The following DCUN1D4 variants were observed in gnomAD, a reference collection of about 807,000 sequenced individuals.
DCUN1D4 encodes defective in cullin neddylation 1 domain containing 4, also known as DCN1-like protein 4.
Under a neutral mutation model 47.9 loss-of-function variants are expected in DCUN1D4, and 22 were observed. The ratio of observed to expected loss-of-function variants is 0.46; its 90% CI spans 0.33 to 0.66. The LOEUF (loss-of-function observed/expected upper bound fraction) is 0.66. Among genes scored for constraint, DCUN1D4 ranks in the 30% least tolerant of loss-of-function variants. The pLI is 0.02. For missense variants in DCUN1D4, 301 were observed against 340.8 expected (o/e 0.88, Z 0.92); for synonymous variants, 121 against 112.2 (o/e 1.08, Z -0.50).
the DCUN1D4 span, among the ~76,000 whole-genome samples, chr4:51,834,042 T>TTCTC: frequency 0.011 from 581 of 51,878 alleles, 11 homozygotes; most frequent in Middle Eastern, 0.035. Context: ...TTAGGAGTCT[T>TTCTC]TCTCTCTCTC....
Position 51,893,615 on chromosome 4 carries a change from C to T in DCUN1D4, c.506+1764C>T, listed in dbSNP as rs141686181. On this transcript the variant is annotated intron_variant, in intron 7 of 10. Transcript: ENST00000334635. ...CTGATTTTTGTATTTTTAGTAGAGA[C>T]GGGGTTTCGCCATGTTGGCTAGGCT... 2.8e-3 allele frequency among the ~76,000 whole-genome samples: 427 copies of T among 152,152 alleles called. 2 individuals are homozygous for T. The highest frequency in any genetic ancestry group is 1.0e-2 in the African/African-American group (414 of 41,526).
intron 3 of DCUN1D4, chr4:51,865,455 G>A (rs1725754803): frequency 6.5e-6 from 1 of 154,350 alleles, no homozygotes; most frequent in Non-Finnish European, 1.4e-5. Flanking sequence ...AGCTGGGCAA[G>A]GCAGAGCTGC....
intron 1 of DCUN1D4, among the ~76,000 whole-genome samples, chr4:51,862,311 CAACAAGCTTTAGAAGAGA>C (rs1408718930): frequency 6.6e-6 from 1 of 152,236 alleles, no homozygotes; most frequent in East Asian, 1.9e-4. Flanking sequence ...ACTGGATGCC[CAACAAGCTTTAGAAGAGA>C]AAGTAAAGCT....
At chr4:51,836,303 C>G in the DCUN1D4 span, among the ~76,000 whole-genome samples, 1 of 152,080 alleles carries the variant, frequency 6.6e-6, no homozygotes, top group Admixed American at 6.5e-5. Context: ...TGTTAAGGAC[C>G]ATTTGCTTTA....
At chr4:51,872,644 C>T (rs929475148) in intron 3 of DCUN1D4, among the ~76,000 whole-genome samples, 17 of 152,206 alleles carry the variant, frequency 1.1e-4, no homozygotes, top group Non-Finnish European at 2.2e-4. Context: ...TGTCCTTAGT[C>T]CTCTGTTTCT....
At chr4:51,897,842 A>G (rs1389687375) in intron 7 of DCUN1D4, among the ~76,000 whole-genome samples, 1 of 152,374 alleles carries the variant, frequency 6.6e-6, no homozygotes, top group Admixed American at 6.5e-5. Flanking sequence ...AAAAAGAGTA[A>G]TGACAGTAAC....
chr4:51,898,137 T>A (rs1323902913), intron 7 of DCUN1D4, among the ~76,000 whole-genome samples: 1 of 152,156 alleles, frequency 6.6e-6, no homozygotes, highest in Admixed American at 6.5e-5. Flanking sequence ...AATAGGAGAT[T>A]AAAGGATTTA....
intron 3 of DCUN1D4, among the ~76,000 whole-genome samples, chr4:51,872,126 C>T (rs980958618): frequency 2.0e-4 from 31 of 152,202 alleles, no homozygotes; most frequent in African/African-American, 7.2e-4. Flanking sequence ...AGCCTGGGCA[C>T]TGTCCAAGAC....
chr4:51,848,947 A>AT (rs200847082), intron 1 of DCUN1D4, among the ~76,000 whole-genome samples: 7 of 151,106 alleles, frequency 4.6e-5, no homozygotes, highest in East Asian at 1.9e-4. Flanking sequence ...GCCTTCGAGG[A>AT]TTTTTTTTTC....
intron 5 of DCUN1D4, among the ~76,000 whole-genome samples, chr4:51,882,025 G>A (rs550421937): frequency 4.6e-5 from 7 of 152,132 alleles, no homozygotes; most frequent in Admixed American, 6.5e-5. Context: ...TAGATGGCAG[G>A]GTTATTGGTA....
chr4:51,913,241 T>C, intron 9 of DCUN1D4, 49 bp from the exon 10 acceptor site: 1 of 1,179,040 alleles, frequency 8.5e-7, no homozygotes, highest in Non-Finnish European at 1.2e-6. Context: ...AACCGTCCCA[T>C]TTGTTCATTT....
intron 8 of DCUN1D4, among the ~76,000 whole-genome samples, chr4:51,907,897 A>C (rs1038321830): frequency 6.6e-6 from 1 of 152,228 alleles, no homozygotes. Context: ...TCATCTAAGA[A>C]AAAAATGCTC....
Position 51,886,635 on chromosome 4 carries a change from A to G in DCUN1D4, c.411A>G (p.Glu137=). 1 of 1,613,926 alleles carries G rather than the reference A, an allele frequency of 6.2e-7. No individual in the cohort carries two copies. Among genetic ancestry groups the G allele is most frequent in the East Asian group, 2.2e-5 (1 of 44,828 alleles). Residue 137 remains glutamate, a synonymous_variant, in exon 6 of 11, where the codon GAA becomes GAG. Coordinates refer to ENST00000334635, the MANE Select transcript of DCUN1D4 (RefSeq NM_001040402.3). The part of the protein sequence containing the change: ...KFCEDIGVEP[E]NVVMLVLAWK... ...GTGAAGACATTGGTGTTGAACCAGA[A>G]AACGTGAGTCAAACTTACTGAGTTG...
chr4:51,911,145 C>CT lies in DCUN1D4; in HGVS notation c.696dup (p.Pro233SerfsTer16). The CT allele has an allele frequency of 6.2e-7, 1 of 1,612,040 alleles. No homozygotes were observed. The highest frequency in any genetic ancestry group is 8.5e-7 in the Non-Finnish European group (1 of 1,179,348). On this transcript the variant is annotated frameshift_variant, in exon 9 of 11. Coordinates refer to ENST00000334635, the MANE Select transcript of DCUN1D4 (RefSeq NM_001040402.3). LOFTEE classifies it high-confidence loss of function. ...ACTGTTATTAGGAAAAATCTGGCCCCTTTTTCCAGTTTTTCACCAATTCTT... is the reference window on the plus strand; with the variant it reads ...ACTGTTATTAGGAAAAATCTGGCCCCTTTTTTCCAGTTTTTCACCAATTCTT...
chr4:51,905,742 A>AT (rs1732787791), intron 8 of DCUN1D4, among the ~76,000 whole-genome samples: 1 of 151,986 alleles, frequency 6.6e-6, no homozygotes, highest in African/African-American at 2.4e-5. Flanking sequence ...GGCGCATGGG[A>AT]TTTGGAGGAG....
chr4:51,836,229 G>A, the DCUN1D4 span, among the ~76,000 whole-genome samples: 1 of 152,144 alleles, frequency 6.6e-6, no homozygotes, highest in South Asian at 2.1e-4. Flanking sequence ...AGCATGAGTG[G>A]GTTGCAGGCC....
In DCUN1D4 at chr4:51,916,802, C is replaced by G. The variant is rs374289117; in HGVS notation, c.*3218C>G. The G allele has an allele frequency of 7.2e-5, 11 of 152,600 alleles. No individual in the cohort carries two copies. The highest frequency in any genetic ancestry group is 2.6e-4 in the African/African-American group (11 of 41,536). The allele number at this position is 152,600 out of a possible 1,614,324, so 9.5% of individuals were successfully genotyped here. On this transcript the variant is annotated 3_prime_UTR_variant, in exon 11 of 11. Coordinates refer to ENST00000334635, the MANE Select transcript of DCUN1D4 (RefSeq NM_001040402.3). The stretch of plus-strand genomic sequence containing the variant: ...CAATGACATTGATGTAAAATGATAT[C>G]CCATGAATAAAAAGTATTTGTGTTT...
intron 8 of DCUN1D4, among the ~76,000 whole-genome samples, chr4:51,910,040 G>T (rs1733487847): frequency 6.6e-6 from 1 of 152,178 alleles, no homozygotes; most frequent in Non-Finnish European, 1.5e-5. Context: ...GCTTAGGGTG[G>T]TGGTCACAGC....
intron 3 of DCUN1D4, among the ~76,000 whole-genome samples, chr4:51,867,091 G>A (rs1325448348): frequency 2.6e-5 from 4 of 152,252 alleles, no homozygotes; most frequent in Admixed American, 1.3e-4. Context: ...AGTGGGGCAA[G>A]TAGCTCCAGG....
Sources: allele counts gnomAD v4.1 joint callset (sites outside exome capture counted in the v4.1 genomes callset), GRCh38; gene constraint gnomAD v4.1.1; transcripts MANE v1.5; gene names NCBI Gene and HGNC (gene_info 2026-07-23, HGNC 2026-07-21).